CCDC171: variants seen among roughly 807,000 people sequenced by gnomAD.
The protein encoded by CCDC171 is coiled-coil domain containing 171.
Under a neutral mutation model 168.2 loss-of-function variants are expected in CCDC171, and 177 were observed. The ratio of observed to expected loss-of-function variants is 1.05; its 90% confidence interval spans 0.93 to 1.19. The LOEUF is 1.19. Among genes scored for constraint, CCDC171 ranks in the 50% most tolerant of loss-of-function variants. CCDC171 has a pLI of 0.00. For synonymous variants in CCDC171, 687 were observed against 540.8 expected, an observed-to-expected ratio of 1.27 and a Z score of -3.75; for missense variants, 1,991 against 1,539.0, an observed-to-expected ratio of 1.29 and a Z score of -4.91.
chr9:15,657,559 G>A (rs965561370), intron 8 of CCDC171, among the ~76,000 whole-genome samples: 2 of 152,106 alleles, frequency 1.3e-5, no homozygotes, highest in African/African-American at 4.8e-5. Flanking sequence ...GTTCTTTTAC[G>A]GCTGTGGGAT....
At chr9:15,711,361 C>T (rs1274485996) in intron 11 of CCDC171, among the ~76,000 whole-genome samples, 1 of 152,004 alleles carries the variant, frequency 6.6e-6, no homozygotes, top group East Asian at 1.9e-4. Flanking sequence ...AAGTCTTTGA[C>T]CTATATCAGT....
chr9:15,854,641 GCTCT>G (rs1340933094), intron 23 of CCDC171, among the ~76,000 whole-genome samples: 4 of 151,298 alleles, frequency 2.6e-5, no homozygotes, highest in Admixed American at 1.3e-4. Flanking sequence ...TTTAGTTTGC[GCTCT>G]CTGTCTCTCT....
At chr9:15,878,341 C>G (rs1387168152) in intron 24 of CCDC171, among the ~76,000 whole-genome samples, 1 of 151,782 alleles carries the variant, frequency 6.6e-6, no homozygotes, top group Non-Finnish European at 1.5e-5. Flanking sequence ...CAAAAGAAGA[C>G]ATACACACAA....
rs571968180 is a variant in CCDC171, at chr9:15,888,647, A to T, written c.3600+13984A>T. 1.4e-3 allele frequency among the ~76,000 whole-genome samples: 213 copies of T among 152,200 alleles called. 1 individual carries two copies. Among genetic ancestry groups the T allele is most frequent in the African/African-American group, 5.0e-3 (209 of 41,538 alleles). On this transcript the variant is annotated intron_variant, in intron 24 of 25. Coordinates refer to ENST00000380701, the MANE Select transcript of CCDC171 (RefSeq NM_173550.4). ...TAGAATTGTTTCGCTTATTATATGG[A>T]TTTGTGTATGCTCTAGTAAAATATG...
chr9:15,705,893 AG>A (rs1353743330), intron 11 of CCDC171, among the ~76,000 whole-genome samples: 1 of 152,204 alleles, frequency 6.6e-6, no homozygotes, highest in Non-Finnish European at 1.5e-5. Flanking sequence ...ATCAGGTTGA[AG>A]GTCTATTTTA....
chr9:15,671,176 A>T (rs1294235305), intron 9 of CCDC171, among the ~76,000 whole-genome samples: 5 of 152,176 alleles, frequency 3.3e-5, no homozygotes, highest in East Asian at 1.9e-4. Context: ...GTATTAGTTC[A>T]TGTGATTAAC....
intron 25 of CCDC171, among the ~76,000 whole-genome samples, chr9:15,962,899 A>G (rs1830479843): frequency 6.6e-6 from 1 of 151,216 alleles, no homozygotes; most frequent in African/African-American, 2.4e-5. Context: ...TACTATTTAT[A>G]TATATGTATA....
At chr9:15,994,496 A>G (rs940055343) in intron 3 of CCDC171, among the ~76,000 whole-genome samples, 3 of 152,206 alleles carry the variant, frequency 2.0e-5, no homozygotes, top group Non-Finnish European at 4.4e-5. Context: ...ATGACGAGTT[A>G]ATGGGTGCAA....
chr9:15,749,256 C>A (rs938601781), intron 18 of CCDC171, among the ~76,000 whole-genome samples: 1 of 152,024 alleles, frequency 6.6e-6, no homozygotes, highest in Non-Finnish European at 1.5e-5. Flanking sequence ...GGGATCAATT[C>A]AACAAGAAGA....
chr9:15,631,574 C>T (rs141230595), intron 7 of CCDC171, among the ~76,000 whole-genome samples: 3 of 152,202 alleles, frequency 2.0e-5, no homozygotes, highest in African/African-American at 7.2e-5. Context: ...GATTCACAGC[C>T]GAATTCTATC....
chr9:16,073,520 T>G, the CCDC171 span, among the ~76,000 whole-genome samples: 14 of 152,366 alleles, frequency 9.2e-5, no homozygotes, highest in Admixed American at 9.1e-4. Flanking sequence ...GCCTTGTCTC[T>G]ATTTCCTGTA....
At chr9:16,059,895 G>T (rs1833905970) in intron 1 of CCDC171, among the ~76,000 whole-genome samples, 1 of 152,064 alleles carries the variant, frequency 6.6e-6, no homozygotes, top group Non-Finnish European at 1.5e-5. Flanking sequence ...ACCCAAACTG[G>T]TGGTAGAATG....
chr9:15,662,944 A>G (rs540132040), intron 8 of CCDC171, among the ~76,000 whole-genome samples: 2 of 152,098 alleles, frequency 1.3e-5, no homozygotes, highest in South Asian at 2.1e-4. Context: ...TTGCACCACT[A>G]CACTCCAGCC....
chr9:15,955,757 A>G (rs1188701750), intron 25 of CCDC171, among the ~76,000 whole-genome samples: 1 of 152,082 alleles, frequency 6.6e-6, no homozygotes, highest in African/African-American at 2.4e-5. Flanking sequence ...ATCCTCTCAA[A>G]TCCTTGCTGC....
chr9:15,621,059 G>C (rs1393084200), intron 6 of CCDC171, among the ~76,000 whole-genome samples: 1 of 152,112 alleles, frequency 6.6e-6, no homozygotes, highest in Non-Finnish European at 1.5e-5. Flanking sequence ...TCTGCTTCCT[G>C]GGTTCAAGCG....
chr9:16,037,050 A>G (rs765038053), intron 8 of CCDC171, among the ~76,000 whole-genome samples: 1 of 152,224 alleles, frequency 6.6e-6, no homozygotes, highest in Non-Finnish European at 1.5e-5. Context: ...AATTACAGCT[A>G]GATAGAAGAA....
chr9:15,939,810 T>G (rs981882355), intron 25 of CCDC171, among the ~76,000 whole-genome samples: 1 of 151,920 alleles, frequency 6.6e-6, no homozygotes, highest in Non-Finnish European at 1.5e-5. Context: ...ATCTGTTAAA[T>G]AAGTAGTTAT....
chr9:15,950,356 G>A lies in CCDC171; in HGVS notation c.3754-21253G>A, dbSNP rs886806113. 1.3e-4 allele frequency among the ~76,000 whole-genome samples: 20 copies of A among 152,218 alleles called. No homozygotes were observed. In the East Asian group the frequency reaches 3.1e-3, roughly 24 times the overall value. On this transcript the variant is annotated intron_variant, in intron 25 of 25. Coordinates refer to ENST00000380701, the MANE Select transcript of CCDC171 (RefSeq NM_173550.4). ...CCAAAGTTGAAATGAAGGAAAAAAT[G>A]TTAAGGGCAGCCAGAGAGAAAGGTC...
At chr9:15,657,023 C>A in intron 7 of CCDC171, 104 bp from the exon 8 acceptor site, 3 of 490,396 alleles carry the variant, frequency 6.1e-6, no homozygotes, top group Non-Finnish European at 1.0e-5. Context: ...AATGAGGCTG[C>A]AAGTCCACTA....
Sources: gnomAD v4.1 joint callset for allele counts (sites outside exome capture counted in the v4.1 genomes callset) on GRCh38, gnomAD v4.1.1 for gene constraint, MANE v1.5 for transcripts, NCBI Gene and HGNC (gene_info 2026-07-23, HGNC 2026-07-21) for gene names.